TLCD3B: variants seen among roughly 807,000 people sequenced by gnomAD.
TLCD3B encodes the protein TLC domain containing 3B.
In TLCD3B, 9 loss-of-function variants were observed where a neutral mutation model predicts 23.0. The ratio of observed to expected loss-of-function variants is 0.39; its 90% confidence interval spans 0.24 to 0.68. TLCD3B has a LOEUF of 0.68. Among genes scored for constraint, TLCD3B ranks in the 30% least tolerant of loss-of-function variants. The pLI is 0.44. For synonymous variants in TLCD3B, 161 were observed against 161.0 expected, an observed-to-expected ratio of 1.00 and a Z score of 0.00; for missense variants, 307 against 371.8, an observed-to-expected ratio of 0.83 and a Z score of 1.43.
chr16:30,050,033 C>T lies in TLCD3B; in HGVS notation c.-294+2741G>A, dbSNP rs190714753. ...CAACACACAAGCCTGGGGCACTGCC[C>T]GTGCTCCTGCATAATGTATGAGCCC... On this transcript the variant is annotated intron_variant, in intron 1 of 6. Coordinates refer to the TLCD3B transcript ENST00000561666. 4.9e-4 allele frequency among the ~76,000 whole-genome samples: 74 copies of T among 152,282 alleles called. 1 individual carries two copies. Among genetic ancestry groups the T allele is most frequent in the Non-Finnish European group, 2.1e-4 (14 of 68,032 alleles).
intron 3 of TLCD3B, among the ~76,000 whole-genome samples, chr16:30,037,614 G>C (rs1273196204): frequency 1.3e-5 from 2 of 151,882 alleles, no homozygotes; most frequent in Non-Finnish European, 2.9e-5. Flanking sequence ...TGTGGTCCCA[G>C]GTACTTGGAA....
upstream of TLCD3B, chr16:30,035,188 A>G (rs2071443973): frequency 2.8e-6 from 2 of 718,058 alleles, no homozygotes; most frequent in Non-Finnish European, 3.9e-6. Context: ...CTGGAATTAT[A>G]GGCGTGAGCC....
intron 3 of TLCD3B, 21 bp downstream of exon 3, chr16:30,026,588 G>T (rs200158999): frequency 1.9e-6 from 2 of 1,040,616 alleles, no homozygotes; most frequent in East Asian, 2.7e-5. Flanking sequence ...CACCCCGCCC[G>T]CCCAGCTCCC....
chr16:30,039,249 G>A (rs1020069672), intron 3 of TLCD3B, among the ~76,000 whole-genome samples: 2 of 151,464 alleles, frequency 1.3e-5, no homozygotes, highest in South Asian at 2.1e-4. Flanking sequence ...TTAGCCTCCC[G>A]AGTAGCTGGG....
rs772133573 is a variant in TLCD3B at position 30,025,838 on chromosome 16, G to A, written c.445-17C>T. The A allele has an allele frequency of 6.2e-7, 1 of 1,604,318 alleles. No individual in the cohort carries two copies. The highest frequency in any genetic ancestry group is 8.5e-7 in the Non-Finnish European group (1 of 1,171,652). The stretch of plus-strand genomic sequence containing the variant: ...TCGCCACACCTGGGCACAGAGGCAG[G>A]AAGGTGAGGAGCTGGGGCTCTCCCT... On this transcript the variant is annotated splice_polypyrimidine_tract_variant and intron_variant, in intron 3 of 4. Coordinates refer to ENST00000380495, the MANE Select transcript of TLCD3B (RefSeq NM_031478.6). This position sits in a 1 kb window ranked among gnomAD's most constrained non-coding sequence, Gnocchi z 4.1.
upstream of TLCD3B, among the ~76,000 whole-genome samples, chr16:30,034,060 C>T (rs971548582): frequency 6.6e-6 from 1 of 150,620 alleles, no homozygotes; most frequent in East Asian, 2.0e-4. Flanking sequence ...ATCACTTGAG[C>T]CCAGGAGTTC....
At chr16:30,032,448 C>T (rs778949019), upstream of TLCD3B, among the ~76,000 whole-genome samples, 2 of 152,102 alleles carry the variant, frequency 1.3e-5, no homozygotes, top group African/African-American at 2.4e-5. Flanking sequence ...CCCAAGAAGT[C>T]TCACGCTGAT....
At position 30,028,091 on chromosome 16, in the gene TLCD3B, G is replaced by A. The variant is rs551183147; in HGVS notation, c.210-1248C>T. Reference sequence around the variant, plus strand: ...GGGGCAGCTGTAGAGAACGCGAAGCGGGAACACAGGGAGAGAGGTCCCAAG... The same window carrying A: ...GGGGCAGCTGTAGAGAACGCGAAGCAGGAACACAGGGAGAGAGGTCCCAAG... On this transcript the variant is annotated intron_variant, in intron 2 of 4. Coordinates refer to ENST00000380495, the MANE Select transcript of TLCD3B (RefSeq NM_031478.6). 1.0e-3 allele frequency among the ~76,000 whole-genome samples: 157 copies of A among 152,272 alleles called. 1 individual carries two copies. Among genetic ancestry groups the A allele is most frequent in the African/African-American group, 3.6e-3 (149 of 41,548 alleles).
In TLCD3B at chr16:30,025,494, C is replaced by T. The variant is rs369393920; in HGVS notation, c.541-27G>A. On this transcript the variant is annotated intron_variant, in intron 4 of 4. Coordinates refer to ENST00000380495, the MANE Select transcript of TLCD3B (RefSeq NM_031478.6). The surrounding 1 kb of genome is among the most constrained non-coding windows in gnomAD (Gnocchi z 4.1). ...TGAGGAGACACAGACACAGTGGCCACGGCAGCAGAAGGGCTCGGCCCCCCT... is the reference window on the plus strand; with the variant it reads ...TGAGGAGACACAGACACAGTGGCCATGGCAGCAGAAGGGCTCGGCCCCCCT... 1.6e-5 allele frequency: 25 copies of T among 1,609,172 alleles called. No homozygotes were observed. Among genetic ancestry groups the T allele is most frequent in the African/African-American group, 5.3e-5 (4 of 74,786 alleles).
upstream of TLCD3B, chr16:30,033,483 C>T (rs2071409393): frequency 1.3e-5 from 2 of 152,026 alleles, no homozygotes; most frequent in Non-Finnish European, 2.9e-5. Flanking sequence ...ATCTGTGTTC[C>T]GTGTACCTCC....
At chr16:30,042,732 C>T (rs991693723) in intron 2 of TLCD3B, among the ~76,000 whole-genome samples, 1 of 152,090 alleles carries the variant, frequency 6.6e-6, no homozygotes, top group African/African-American at 2.4e-5. Context: ...AAAAAAACCT[C>T]AGTTATGGTC....
intron 2 of TLCD3B, among the ~76,000 whole-genome samples, chr16:30,045,092 CAAAA>C (rs1162281544): frequency 8.1e-4 from 18 of 22,224 alleles, no homozygotes; most frequent in Non-Finnish European, 1.2e-3. Context: ...GACTCCATCT[CAAAA>C]AAAAAAAAAA....
upstream of TLCD3B, chr16:30,035,410 GC>G: frequency 7.8e-7 from 1 of 1,289,644 alleles, no homozygotes; most frequent in African/African-American, 1.5e-5. Context: ...GGTTCTGCAA[GC>G]CCCAGCGCAG....
Position 30,024,438 on chromosome 16 carries a change from C to A in TLCD3B, c.*745G>T. ...GGCAAGGGCCTTGGTGGCGTTCACG[C>A]AGATCGTCTTTTATTAGCGGTCTGT... On this transcript the variant is annotated 3_prime_UTR_variant, in exon 5 of 5. Transcript: ENST00000380495. The A allele has an allele frequency of 3.0e-6, 2 of 677,242 alleles. No homozygotes were observed. Among genetic ancestry groups the A allele is most frequent in the Non-Finnish European group, 4.9e-6 (2 of 408,724 alleles). The allele number at this position is 677,242 out of a possible 1,614,324, so 42.0% of individuals were successfully genotyped here.
At chr16:30,035,426 G>C, upstream of TLCD3B, 1 of 1,289,656 alleles carries the variant, frequency 7.8e-7, no homozygotes, top group Non-Finnish European at 1.0e-6. Context: ...GCGCAGGGCA[G>C]TGAAGCACAA....
chr16:30,039,616 A>T (rs192866206), intron 3 of TLCD3B, among the ~76,000 whole-genome samples: 36 of 151,892 alleles, frequency 2.4e-4, no homozygotes, highest in South Asian at 4.2e-4. Flanking sequence ...TTAAAAAAAA[A>T]TTTTTAGCTA....
chr16:30,041,406 T>C (rs1223178698), intron 2 of TLCD3B, among the ~76,000 whole-genome samples: 1 of 151,830 alleles, frequency 6.6e-6, no homozygotes, highest in Non-Finnish European at 1.5e-5. Flanking sequence ...CCCAAGTAGC[T>C]GGGATTACAG....
chr16:30,028,042 G>A (rs886105670), intron 2 of TLCD3B, among the ~76,000 whole-genome samples: 7 of 152,226 alleles, frequency 4.6e-5, no homozygotes, highest in African/African-American at 1.7e-4. Context: ...CTGCGGCCCA[G>A]AGGCAGGGAA....
Position 30,029,361 on chromosome 16 carries a change from G to T in TLCD3B, c.209+71C>A. On this transcript the variant is annotated intron_variant, in intron 2 of 4. Coordinates refer to ENST00000380495, the MANE Select transcript of TLCD3B (RefSeq NM_031478.6). The surrounding 1 kb of genome is among the most constrained non-coding windows in gnomAD (Gnocchi z 4.6). ...ACAGACAGAGTTCCCTCCAAGATGT[G>T]GGGTCTTCCGGGATTACCCGTACAC... is the stretch of plus-strand genomic sequence containing the variant. 7.3e-7 allele frequency: 1 copy of T among 1,363,798 alleles called. No individual in the cohort carries two copies. The highest frequency in any genetic ancestry group is 1.4e-5 in the African/African-American group (1 of 70,058). 84.5% of individuals were successfully genotyped at this position (1,363,798 alleles called of 1,614,324 possible). A position where few individuals can be genotyped will look rare whatever the true frequency, so the allele number is the denominator to read the frequency against.
Sources: allele counts gnomAD v4.1 joint callset (sites outside exome capture counted in the v4.1 genomes callset), GRCh38; gene constraint gnomAD v4.1.1; non-coding constraint Gnocchi (gnomAD v3.1); transcripts MANE v1.5; gene names NCBI Gene and HGNC (gene_info 2026-07-23, HGNC 2026-07-21).